FARP1: variants seen among roughly 807,000 people sequenced by gnomAD.
FARP1 encodes the protein FERM, ARHGEF and pleckstrin domain-containing protein 1.
Under a neutral mutation model 128.8 loss-of-function variants are expected in FARP1, and 52 were observed. The ratio of observed to expected loss-of-function variants is 0.40; its 90% CI spans 0.32 to 0.51. The LOEUF (loss-of-function observed/expected upper bound fraction) is 0.51, where lower values mean the gene tolerates loss of function less well. FARP1 is among the 20% of genes least tolerant of loss of function. The pLI, the probability that FARP1 is intolerant of heterozygous loss-of-function variation, is 0.45. For synonymous variants in FARP1, 580 were observed against 551.8 expected (o/e 1.05, Z -0.72); for missense variants, 1,333 against 1,367.9 (o/e 0.97, Z 0.40).
At chr13:98,302,574 T>G (rs1885969163) in intron 2 of FARP1, among the ~76,000 whole-genome samples, 1 of 152,172 alleles carries the variant, frequency 6.6e-6, no homozygotes, top group Non-Finnish European at 1.5e-5. Context: ...CTGACCAAGG[T>G]CTGGGCATTT....
At chr13:98,267,941 AATC>A (rs962334753) in intron 2 of FARP1, among the ~76,000 whole-genome samples, 1 of 127,026 alleles carries the variant, frequency 7.9e-6, no homozygotes, top group African/African-American at 3.1e-5. Flanking sequence ...TACTTAAAAA[AATC>A]TTCTAAAATT....
intron 2 of FARP1, among the ~76,000 whole-genome samples, chr13:98,235,643 A>T (rs1214198264): frequency 6.6e-6 from 1 of 152,108 alleles, no homozygotes; most frequent in Non-Finnish European, 1.5e-5. Context: ...TAGTGTTAAT[A>T]AGTATATTCA....
intron 2 of FARP1, among the ~76,000 whole-genome samples, chr13:98,292,957 C>G (rs968415102): frequency 7.9e-5 from 12 of 151,754 alleles, no homozygotes; most frequent in African/African-American, 2.4e-4. Flanking sequence ...GAAAATATAA[C>G]CTATTTTAAT....
chr13:98,384,073 A>G (rs891348449), intron 6 of FARP1: 3 of 152,174 alleles, frequency 2.0e-5, no homozygotes, highest in African/African-American at 7.2e-5. Context: ...TTAGGAGGTC[A>G]TACGGTTGTC....
At chr13:98,444,171 C>T (rs9513426) in intron 24 of FARP1, among the ~76,000 whole-genome samples, 47,899 of 151,788 alleles carry the variant, frequency 0.32, 7,877 homozygotes, top group Non-Finnish European at 0.38. Context: ...ACCAGCTGTC[C>T]TCCCTGTATC....
At chr13:98,435,819 T>A in intron 19 of FARP1, 113 bp downstream of exon 19, 1 of 1,084,134 alleles carries the variant, frequency 9.2e-7, no homozygotes. Context: ...ATGTCCTCTT[T>A]CCATCCACCT....
In FARP1 at chr13:98,176,944, C is replaced by T. The variant is rs202164234; in HGVS notation, c.-24+33452C>T. 20 of 1,602,354 alleles carry T rather than the reference C, an allele frequency of 1.2e-5. No homozygotes were observed. Among genetic ancestry groups the T allele is most frequent in the Admixed American group, 8.3e-5 (5 of 59,988 alleles). On this transcript the variant is annotated intron_variant, in intron 1 of 26. Transcript: ENST00000319562. The surrounding 1 kb of genome is among the most constrained non-coding windows in gnomAD (Gnocchi z 6.2). ...CTCTGGCCCCACAGGCTTCGCCGAG[C>T]GGGTGGACCTGTACACCACGTCGAG...
At chr13:98,144,922 A>G (rs867049440) in intron 1 of FARP1, among the ~76,000 whole-genome samples, 1 of 152,156 alleles carries the variant, frequency 6.6e-6, no homozygotes, top group Non-Finnish European at 1.5e-5. Flanking sequence ...ACAGTTTCTG[A>G]CAGTGTGCTT....
chr13:98,237,663 C>T (rs1285168636), intron 2 of FARP1, among the ~76,000 whole-genome samples: 1 of 152,096 alleles, frequency 6.6e-6, no homozygotes, highest in African/African-American at 2.4e-5. Flanking sequence ...CACTATGGGA[C>T]CCGTATGAAG....
At chr13:98,395,627 A>G in intron 13 of FARP1, 151 bp downstream of exon 13, 1 of 970,292 alleles carries the variant, frequency 1.0e-6, no homozygotes, top group Non-Finnish European at 1.5e-6. Context: ...GACAATTATG[A>G]GGGTGATCTG....
chr13:98,392,323 C>CAAA (rs11289484), intron 11 of FARP1, among the ~76,000 whole-genome samples: 6 of 60,412 alleles, frequency 9.9e-5, no homozygotes, highest in African/African-American at 3.3e-4. Flanking sequence ...CATCTCTACC[C>CAAA]AAAAAAAAAA....
chr13:98,383,987 G>C (rs980678601), intron 6 of FARP1: 2 of 152,096 alleles, frequency 1.3e-5, no homozygotes, highest in African/African-American at 2.4e-5. Context: ...TAAAGCATTT[G>C]CGTTTTGCAC....
At chr13:98,233,282 G>T (rs1473577532) in intron 2 of FARP1, among the ~76,000 whole-genome samples, 3 of 152,218 alleles carry the variant, frequency 2.0e-5, no homozygotes, top group Admixed American at 2.0e-4. Context: ...TGTCCACCCT[G>T]TTACTGATGA....
chr13:98,329,940 G>A (rs558623732), intron 2 of FARP1: 3 of 152,182 alleles, frequency 2.0e-5, no homozygotes, highest in African/African-American at 7.2e-5. Context: ...GTAGAAAGTG[G>A]TATGTAAAAG....
At chr13:98,264,729 T>C (rs1445363043) in intron 2 of FARP1, among the ~76,000 whole-genome samples, 6 of 152,246 alleles carry the variant, frequency 3.9e-5, no homozygotes, top group Admixed American at 3.9e-4. Flanking sequence ...AAGAATACTA[T>C]TGATTAGTAA....
intron 2 of FARP1, among the ~76,000 whole-genome samples, chr13:98,283,741 C>T (rs1189499341): frequency 6.6e-6 from 1 of 152,164 alleles, no homozygotes; most frequent in Non-Finnish European, 1.5e-5. Flanking sequence ...GTTTATATAT[C>T]TCTGCAGATG....
chr13:98,410,760 C>T lies in FARP1; in HGVS notation c.1629C>T (p.Phe543=). Residue 543 remains phenylalanine (F), a synonymous_variant, in exon 15 of 27, where the codon TTC becomes TTT. Transcript: ENST00000319562. ...RKRFPTDKAY[F]IAKEVSTTER... ...GATTCCCAACTGATAAAGCGTACTT[C>T]ATAGCTAAGGAAGTGTCTACCACCG... The T allele has an allele frequency of 1.9e-6, 3 of 1,603,950 alleles. No individual in the cohort carries two copies. The highest frequency in any genetic ancestry group is 2.6e-6 in the Non-Finnish European group (3 of 1,172,910).
intron 2 of FARP1, among the ~76,000 whole-genome samples, chr13:98,238,092 T>A (rs750949499): frequency 1.3e-5 from 2 of 152,122 alleles, no homozygotes; most frequent in African/African-American, 2.4e-5. Context: ...TTTGATAATT[T>A]TAGAAAAAGG....
At chr13:98,352,257 T>C (rs1426079755) in intron 3 of FARP1, among the ~76,000 whole-genome samples, 1 of 152,048 alleles carries the variant, frequency 6.6e-6, no homozygotes, top group Non-Finnish European at 1.5e-5. Context: ...GAGGAAACAA[T>C]AGGGCGTCTG....
Sources: allele counts gnomAD v4.1 joint callset (sites outside exome capture counted in the v4.1 genomes callset), GRCh38; gene constraint gnomAD v4.1.1; non-coding constraint Gnocchi (gnomAD v3.1); transcripts MANE v1.5; gene names NCBI Gene and HGNC (gene_info 2026-07-23, HGNC 2026-07-21).